The following TATDN2 variants were observed in gnomAD, a reference collection of about 807,000 sequenced individuals.
The protein encoded by TATDN2 is 3'-5' RNA nuclease TATDN2.
A neutral mutation model predicts 60.3 loss-of-function variants in TATDN2; 44 were observed. That is an observed-to-expected ratio of 0.73 (90% CI 0.57 to 0.94). TATDN2 has a LOEUF of 0.94. Ranked by LOEUF, TATDN2 falls within the 40% of genes least tolerant of loss-of-function variation. The pLI is 0.00. For missense variants in TATDN2, 997 were observed against 948.0 expected, an observed-to-expected ratio of 1.05 and a Z score of -0.68; for synonymous variants, 399 against 355.8, an observed-to-expected ratio of 1.12 and a Z score of -1.37.
chr3:10,272,154 G>A (rs1028536943), intron 4 of TATDN2, among the ~76,000 whole-genome samples: 1 of 151,608 alleles, frequency 6.6e-6, no homozygotes, highest in Non-Finnish European at 1.5e-5. Context: ...GCCCACACTG[G>A]AGTTCAGTGG....
chr3:10,278,186 G>A lies in TATDN2; in HGVS notation c.1962-93G>A. ...CTAGGATGCAGTCTTTCCATTTCTG[G>A]GAATCATTGAAAAGGGGTGATGGGT... On this transcript the variant is annotated intron_variant, in intron 5 of 7. Transcript: ENST00000448281. This position sits in a 1 kb window ranked among gnomAD's most constrained non-coding sequence, Gnocchi z 4.7. The A allele has an allele frequency of 3.6e-6, 5 of 1,391,274 alleles. No individual in the cohort carries two copies. The highest frequency in any genetic ancestry group is 4.0e-6 in the Non-Finnish European group (4 of 1,012,630). 86.2% of individuals were successfully genotyped at this position (1,391,274 alleles called of 1,614,324 possible). A position where few individuals can be genotyped will look rare whatever the true frequency, so the allele number is the denominator to read the frequency against.
intron 4 of TATDN2, among the ~76,000 whole-genome samples, chr3:10,272,151 C>G (rs1467111841): frequency 6.6e-6 from 1 of 152,046 alleles, no homozygotes; most frequent in Non-Finnish European, 1.5e-5. Context: ...GTCGCCCACA[C>G]TGGAGTTCAG....
chr3:10,254,829 G>A (rs1220293329), intron 2 of TATDN2, among the ~76,000 whole-genome samples: 1 of 152,092 alleles, frequency 6.6e-6, no homozygotes, highest in Non-Finnish European at 1.5e-5. Context: ...CCTTTATGAA[G>A]TCAGGTGGTT....
intron 3 of TATDN2, among the ~76,000 whole-genome samples, chr3:10,267,736 G>A (rs539959950): frequency 6.6e-6 from 1 of 152,274 alleles, no homozygotes; most frequent in African/African-American, 2.4e-5. Flanking sequence ...TTTCCTCGAG[G>A]TGTGTTTTTG....
chr3:10,250,183 CT>C (rs1202853733), intron 2 of TATDN2, among the ~76,000 whole-genome samples: 23 of 111,640 alleles, frequency 2.1e-4, no homozygotes, highest in Non-Finnish European at 3.2e-4. Flanking sequence ...TTTTTTTTTT[CT>C]TTTTTTTTTG....
Position 10,260,155 on chromosome 3 carries a change from T to A in TATDN2, c.433T>A (p.Ser145Thr). ...TTCCCAGGTTGATTCCAAAGATAGT[T>A]CTCATAACTCCACAAACTCTGAATT... is the stretch of plus-strand genomic sequence containing the variant. ...CSLKVDSKDS[S>T]HNSTNSEFAA... Residue 145 changes from serine to threonine, a missense_variant, in exon 3 of 8, where the codon TCT becomes ACT. Ser to Thr is a moderately conservative substitution (Grantham distance 58). Coordinates refer to ENST00000448281, the MANE Select transcript of TATDN2 (RefSeq NM_014760.4). 1 of 1,612,350 alleles carries A rather than the reference T, an allele frequency of 6.2e-7. No homozygotes were observed. Among genetic ancestry groups the A allele is most frequent in the Non-Finnish European group, 8.5e-7 (1 of 1,179,502 alleles).
intron 2 of TATDN2, among the ~76,000 whole-genome samples, chr3:10,259,410 G>A (rs770057146): frequency 2.0e-5 from 3 of 152,226 alleles, no homozygotes; most frequent in Non-Finnish European, 4.4e-5. Flanking sequence ...TCTTACACCC[G>A]GCAGGGATTA....
At chr3:10,272,809 C>T (rs1025008171) in intron 4 of TATDN2, among the ~76,000 whole-genome samples, 4 of 150,662 alleles carry the variant, frequency 2.7e-5, no homozygotes, top group Non-Finnish European at 5.9e-5. Flanking sequence ...CCAAGGCGAG[C>T]GGATCACCTG....
At position 10,270,574 on chromosome 3, in the gene TATDN2, A is replaced by T; in HGVS notation, c.1392A>T (p.Thr464=). ...AAAGAGAGGTGAAGGAGAAAAGAAC[A>T]TTCCAAGAGGAGATGCCTCCGCGTC... is the stretch of plus-strand genomic sequence containing the variant. ...SEEREVKEKR[T]FQEEMPPRPC... The change falls in exon 4 of 8, where the codon ACA becomes ACT. Residue 464 remains threonine, a synonymous_variant. Coordinates refer to ENST00000448281, the MANE Select transcript of TATDN2 (RefSeq NM_014760.4). The T allele has an allele frequency of 6.2e-7, 1 of 1,614,238 alleles. No homozygotes were observed. Among genetic ancestry groups the T allele is most frequent in the Middle Eastern group, 1.6e-4 (1 of 6,062 alleles).
Position 10,260,570 on chromosome 3 carries a change from C to G in TATDN2, c.848C>G (p.Pro283Arg). 6.2e-7 allele frequency: 1 copy of G among 1,614,078 alleles called. No homozygotes were observed. The highest frequency in any genetic ancestry group is 8.5e-7 in the Non-Finnish European group (1 of 1,179,998). Residue 283 changes from proline to arginine, a missense_variant, in exon 3 of 8, where the codon CCC becomes CGC. By Grantham distance (103) the Pro-to-Arg change is moderately radical. Transcript: ENST00000448281. ...RRVVIDPQEK[P>R]SEEPLGDRRT... ...GTAGTTATAGACCCTCAAGAGAAAC[C>G]CAGTGAGGAGCCCCTTGGGGACCGA...
chr3:10,249,155 G>A (rs2072577), intron 1 of TATDN2, 40 bp from the exon 2 acceptor site: 394,936 of 1,475,908 alleles, frequency 0.27, 54,819 homozygotes, highest in Middle Eastern at 0.35. Flanking sequence ...GGGTCGCCAG[G>A]AAGGGTGGTG....
At position 10,249,373 on chromosome 3, in the gene TATDN2, A is replaced by T; in HGVS notation, c.173A>T (p.Gln58Leu). Residue 58 changes from glutamine (Q) to leucine (L), a missense_variant, in exon 2 of 8, where the codon CAG becomes CTG. Transcript: ENST00000448281. ...AGCAGCCCCAAGCGCCTGAAAGCCCAGAAGGAGGACGATGTGGCTTGCTCG... is the reference window on the plus strand; with the variant it reads ...AGCAGCCCCAAGCGCCTGAAAGCCCTGAAGGAGGACGATGTGGCTTGCTCG... ...GPSSPKRLKA[Q>L]KEDDVACSRR... 6.2e-7 allele frequency: 1 copy of T among 1,613,256 alleles called. No individual in the cohort carries two copies. Among genetic ancestry groups the T allele is most frequent in the East Asian group, 2.2e-5 (1 of 44,858 alleles).
At position 10,248,963 on chromosome 3, in the gene TATDN2, G is replaced by C. The variant is rs73811864; in HGVS notation, c.-111G>C. On this transcript the variant is annotated 5_prime_UTR_variant, in exon 1 of 8. Transcript: ENST00000448281. ...GAAGCACGTTGTGGGCTTGGAAACC[G>C]ACGGCAGCCTTTAGTCAATTTTGGA... 4.6e-6 allele frequency: 2 copies of C among 430,680 alleles called. No homozygotes were observed. Among genetic ancestry groups the C allele is most frequent in the Non-Finnish European group, 3.9e-6 (1 of 253,208 alleles). 26.7% of individuals were successfully genotyped at this position (430,680 alleles called of 1,614,324 possible).
In TATDN2 at chr3:10,260,193, T is replaced by C; in HGVS notation, c.471T>C (p.Ala157=). 1 of 1,613,934 alleles carries C rather than the reference T, an allele frequency of 6.2e-7. No homozygotes were observed. Among genetic ancestry groups the C allele is most frequent in the Non-Finnish European group, 8.5e-7 (1 of 1,179,990 alleles). Residue 157 remains alanine, a synonymous_variant, in exon 3 of 8, where the codon GCT becomes GCC. Transcript: ENST00000448281. ...CAAACTCTGAATTTGCAGCTGAAGC[T>C]GAGGGTCAGAATGATACAATTGAGG... ...NSTNSEFAAE[A]EGQNDTIEEP...
chr3:10,264,616 A>G (rs760243016), intron 3 of TATDN2, among the ~76,000 whole-genome samples: 1 of 149,440 alleles, frequency 6.7e-6, no homozygotes, highest in Non-Finnish European at 1.5e-5. Context: ...GGAAATTCCA[A>G]TTTTCTTTTC....
intron 3 of TATDN2, among the ~76,000 whole-genome samples, chr3:10,268,591 T>A (rs1045622521): frequency 3.9e-5 from 6 of 152,162 alleles, no homozygotes; most frequent in Non-Finnish European, 8.8e-5. Context: ...GCATCACAAT[T>A]CCGGGGAGAG....
Position 10,248,519 on chromosome 3 carries a change from G to T in TATDN2, c.-555G>T, listed in dbSNP as rs1056919765. ...CGGAGGGCGGGCGCCACGGAGGCCG[G>T]AGTGGTCGCAGTTCGGGCGGAGGCC... On this transcript the variant is annotated 5_prime_UTR_variant, in exon 1 of 8. Coordinates refer to ENST00000448281, the MANE Select transcript of TATDN2 (RefSeq NM_014760.4). The T allele has an allele frequency of 2.6e-5, 4 of 152,194 alleles. No homozygotes were observed. Among genetic ancestry groups the T allele is most frequent in the South Asian group, 2.1e-4 (1 of 4,838 alleles). The allele number at this position is 152,194 out of a possible 1,614,324, so 9.4% of individuals were successfully genotyped here. A position where few individuals can be genotyped will look rare whatever the true frequency, so the allele number is the denominator to read the frequency against.
Position 10,249,515 on chromosome 3 carries a change from C to T in TATDN2, c.315C>T (p.Asn105=). 1 of 1,608,476 alleles carries T rather than the reference C, an allele frequency of 6.2e-7. No individual in the cohort carries two copies. Among genetic ancestry groups the T allele is most frequent in the Non-Finnish European group, 8.5e-7 (1 of 1,177,352 alleles). ...GAASKGCLIR[N]TRGFLSSGGS... is the part of the protein sequence containing the mutation. ...CCTCCAAAGGCTGCCTGATTCGGAA[C>T]ACTCGGGGGTTCCTGTCTTCAGGGG... The change falls in exon 2 of 8, where the codon AAC becomes AAT. Residue 105 remains asparagine, a synonymous_variant. Coordinates refer to ENST00000448281, the MANE Select transcript of TATDN2 (RefSeq NM_014760.4).
At chr3:10,257,855 TTTTTTTTTTTTTTTTTTTTTTG>T (rs1172679739) in intron 2 of TATDN2, among the ~76,000 whole-genome samples, 7 of 85,056 alleles carry the variant, frequency 8.2e-5, no homozygotes, top group Admixed American at 4.6e-4. Context: ...TTTTTTTTTT[TTTTTTTTTTTTTTTTTTTTTTG>T]GGAGATGGAG....
Sources: gnomAD v4.1 joint callset for allele counts (sites outside exome capture counted in the v4.1 genomes callset) on GRCh38, gnomAD v4.1.1 for gene constraint, Gnocchi (gnomAD v3.1) non-coding constraint, MANE v1.5 for transcripts, NCBI Gene and HGNC (gene_info 2026-07-23, HGNC 2026-07-21) for gene names.